NAA60: variants seen among roughly 807,000 people sequenced by gnomAD.
NAA60 encodes the protein N-alpha-acetyltransferase 60, NatF catalytic subunit, also known as N-alpha-acetyltransferase 60.
NAA60 carries 8 observed loss-of-function variants against 26.1 expected under a neutral mutation model. The observed-to-expected ratio is 0.31, with a 90% CI of 0.18 to 0.55. The LOEUF is 0.55. Ranked by LOEUF, NAA60 falls within the 20% of genes least tolerant of loss-of-function variation. The pLI, the probability that NAA60 is intolerant of heterozygous loss-of-function variation, is 0.93. For synonymous variants in NAA60, 131 were observed against 122.5 expected (o/e 1.07, Z -0.46); for missense variants, 290 against 311.3 (o/e 0.93, Z 0.51).
At chr16:3,468,286 G>A (rs12185193) in intron 2 of NAA60, 9,453 of 152,228 alleles carry the variant, frequency 0.062, 380 homozygotes, top group Admixed American at 0.085. Context: ...AAAGCAGGTC[G>A]GTGTGAAGGG....
Position 3,484,828 on chromosome 16 carries a change from T to C in NAA60, c.702T>C (p.Ser234=), listed in dbSNP as rs941964278. ...FLPWSGISSK[S]GIEYSRTM ...CATGGTCGGGCATCTCTTCCAAGAGTGGCATCGAGTACAGCCGGACCATGT... is the reference window on the plus strand; with the variant it reads ...CATGGTCGGGCATCTCTTCCAAGAGCGGCATCGAGTACAGCCGGACCATGT... Residue 234 remains serine (S), a synonymous_variant, in exon 7 of 8, where the codon AGT becomes AGC. Coordinates refer to ENST00000407558, the MANE Select transcript of NAA60 (RefSeq NM_001083601.3). 2.6e-6 allele frequency: 4 copies of C among 1,568,336 alleles called. No homozygotes were observed. The highest frequency in any genetic ancestry group is 3.5e-6 in the Non-Finnish European group (4 of 1,157,582).
chr16:3,480,500 G>A (rs1324441139), intron 4 of NAA60, among the ~76,000 whole-genome samples: 1 of 151,872 alleles, frequency 6.6e-6, no homozygotes. Flanking sequence ...GGGAGGCTGA[G>A]GCAGGAGAAT....
intron 2 of NAA60, among the ~76,000 whole-genome samples, chr16:3,459,844 C>T (rs901480887): frequency 1.3e-5 from 2 of 152,048 alleles, no homozygotes; most frequent in African/African-American, 4.8e-5. Flanking sequence ...TTGACCAGGC[C>T]GGGACAGTAT....
intron 3 of NAA60, 125 bp downstream of exon 3, chr16:3,476,462 G>A: frequency 1.4e-6 from 1 of 733,400 alleles, no homozygotes; most frequent in Non-Finnish European, 2.2e-6. Flanking sequence ...GGCCTGGAGG[G>A]GCCACAGGGG....
In NAA60 at chr16:3,485,649, G is replaced by A. The variant is rs1442675551; in HGVS notation, c.*389G>A. ...GCAGCTCCTTCCTGGAAAGCTGGAG[G>A]GGACTTTCTCCTGCAAGGGAGGAAC... On this transcript the variant is annotated 3_prime_UTR_variant, in exon 8 of 8. Transcript: ENST00000407558. The A allele has an allele frequency of 4.4e-6, 2 of 456,708 alleles. No homozygotes were observed. Among genetic ancestry groups the A allele is most frequent in the Admixed American group, 2.3e-5 (1 of 42,588 alleles). The allele number at this position is 456,708 out of a possible 1,614,324, so 28.3% of individuals were successfully genotyped here. A position where few individuals can be genotyped will look rare whatever the true frequency, so the allele number is the denominator to read the frequency against.
chr16:3,473,344 G>C (rs978464429), intron 2 of NAA60, among the ~76,000 whole-genome samples: 1 of 152,174 alleles, frequency 6.6e-6, no homozygotes, highest in Non-Finnish European at 1.5e-5. Context: ...CACAATCATG[G>C]CAGAAGGCAA....
chr16:3,446,284 C>G (rs2034548160), intron 1 of NAA60, among the ~76,000 whole-genome samples: 1 of 152,140 alleles, frequency 6.6e-6, no homozygotes, highest in Non-Finnish European at 1.5e-5. Context: ...GTAATCCCAG[C>G]ATTTTGTGAG....
At chr16:3,460,958 G>A (rs2035351144) in intron 2 of NAA60, among the ~76,000 whole-genome samples, 1 of 152,108 alleles carries the variant, frequency 6.6e-6, no homozygotes. Context: ...TTTAGTGACG[G>A]AGTCTTGCTG....
intron 1 of NAA60, chr16:3,447,607 C>G (rs1484968431): frequency 2.0e-5 from 20 of 985,336 alleles, no homozygotes; most frequent in Non-Finnish European, 2.3e-5. Flanking sequence ...CTCACCTACA[C>G]TAAGGGGGCC....
Position 3,460,814 on chromosome 16 carries a change from C to T in NAA60, c.-7+12274C>T, listed in dbSNP as rs185597810. Among the ~76,000 whole-genome samples, 12 of 152,354 alleles carry T rather than the reference C, an allele frequency of 7.9e-5. No individual in the cohort carries two copies. The East Asian group carries it at 2.3e-3, about 29-fold the overall frequency. On this transcript the variant is annotated intron_variant, in intron 2 of 7. Coordinates refer to ENST00000407558, the MANE Select transcript of NAA60 (RefSeq NM_001083601.3). ...CAAAAAGATGCTGAAAGTCCTTTGT[C>T]TCTTTCTGGCTAAGTTCAAATGCCG...
At position 3,485,787 on chromosome 16, in the gene NAA60, G is replaced by T; in HGVS notation, c.*527G>T. ...GAACCAGCCCAAAGAAGCCTGGGGG[G>T]TGAGGAGTGGCCCCCACTCCTCCAT... On this transcript the variant is annotated 3_prime_UTR_variant, in exon 8 of 8. Transcript: ENST00000407558. 2.4e-6 allele frequency: 1 copy of T among 411,822 alleles called. No individual in the cohort carries two copies. The highest frequency in any genetic ancestry group is 4.9e-6 in the Non-Finnish European group (1 of 202,562). The allele number at this position is 411,822 out of a possible 1,614,324, so 25.5% of individuals were successfully genotyped here.
At chr16:3,469,079 A>G (rs1347730503) in intron 2 of NAA60, among the ~76,000 whole-genome samples, 2 of 141,180 alleles carry the variant, frequency 1.4e-5, no homozygotes, top group Non-Finnish European at 3.2e-5. Context: ...GAGCCAGACA[A>G]CATCTCAAAA....
chr16:3,469,371 G>C (rs1401156881), intron 2 of NAA60, among the ~76,000 whole-genome samples: 1 of 148,488 alleles, frequency 6.7e-6, no homozygotes, highest in African/African-American at 2.5e-5. Context: ...GCTCAGAGCA[G>C]AGAGCACCTG....
At position 3,483,763 on chromosome 16, in the gene NAA60, AT is replaced by A. The variant is rs887876556; in HGVS notation, c.572+169del. On this transcript the variant is annotated intron_variant, in intron 6 of 7. Transcript: ENST00000407558. ...CGTGTTGTGGGTAAACCTGACACACATTTGGGTAAATCGAGTTGCACATATT... is the reference window on the plus strand; with the variant it reads ...CGTGTTGTGGGTAAACCTGACACACATTGGGTAAATCGAGTTGCACATATT... 1.4e-5 allele frequency: 9 copies of A among 624,334 alleles called. No individual in the cohort carries two copies. In the African/African-American group the frequency reaches 1.5e-4, roughly 10 times the overall value. The allele number at this position is 624,334 out of a possible 1,614,324, so 38.7% of individuals were successfully genotyped here.
chr16:3,482,295 T>G (rs2036886987), intron 4 of NAA60, among the ~76,000 whole-genome samples: 1 of 152,322 alleles, frequency 6.6e-6, no homozygotes, highest in East Asian at 1.9e-4. Context: ...GTTCTTCTTT[T>G]CAGCTGTTTT....
intron 2 of NAA60, among the ~76,000 whole-genome samples, chr16:3,452,453 A>C (rs905054967): frequency 6.6e-6 from 1 of 150,980 alleles, no homozygotes; most frequent in African/African-American, 2.4e-5. Context: ...TCAGGCATTC[A>C]AGACCAGCCT....
chr16:3,448,650 T>G, intron 2 of NAA60, 110 bp downstream of exon 2: 2 of 872,662 alleles, frequency 2.3e-6, no homozygotes, highest in South Asian at 1.7e-5. Flanking sequence ...ATTCTCTTAA[T>G]TTTTAGTACT....
chr16:3,443,624 T>C (rs2150936397), upstream of NAA60: 1 of 913,820 alleles, frequency 1.1e-6, no homozygotes, highest in South Asian at 2.1e-5. Flanking sequence ...CGAGGACCTG[T>C]AGCCACTGGG....
intron 2 of NAA60, among the ~76,000 whole-genome samples, chr16:3,451,720 C>G (rs895002030): frequency 2.0e-5 from 3 of 151,960 alleles, no homozygotes; most frequent in Non-Finnish European, 4.4e-5. Flanking sequence ...GAGTTGGAGA[C>G]CAGCCTGGGC....
Sources: gnomAD v4.1 joint callset for allele counts (sites outside exome capture counted in the v4.1 genomes callset) on GRCh38, gnomAD v4.1.1 for gene constraint, MANE v1.5 for transcripts, NCBI Gene and HGNC (gene_info 2026-07-23, HGNC 2026-07-21) for gene names.